The following MRE11 variants were observed in gnomAD, a reference collection of about 807,000 sequenced individuals.
MRE11 encodes MRE11 double strand break repair nuclease.
Under a neutral mutation model 91.7 loss-of-function variants are expected in MRE11, and 62 were observed. The observed-to-expected ratio is 0.68, with a 90% CI of 0.55 to 0.84. The LOEUF (loss-of-function observed/expected upper bound fraction) is 0.84, where lower values mean the gene tolerates loss of function less well. Among genes scored for constraint, MRE11 ranks in the 40% least tolerant of loss-of-function variants. The pLI is 0.00. For missense variants in MRE11, 796 were observed against 852.9 expected, an observed-to-expected ratio of 0.93 and a Z score of 0.83; for synonymous variants, 273 against 271.4, an observed-to-expected ratio of 1.01 and a Z score of -0.06.
At chr11:94,507,755 T>G in the MRE11 span, among the ~76,000 whole-genome samples, 38 of 152,320 alleles carry the variant, frequency 2.5e-4, no homozygotes, top group African/African-American at 8.9e-4. Context: ...AGCAATGTTT[T>G]TATGTGTGAT....
intron 9 of MRE11, among the ~76,000 whole-genome samples, chr11:94,468,522 A>G (rs1254950282): frequency 6.6e-6 from 1 of 152,212 alleles, no homozygotes; most frequent in African/African-American, 2.4e-5. Context: ...CCAACTTCAT[A>G]GCTGAACAAT....
intron 19 of MRE11, among the ~76,000 whole-genome samples, chr11:94,421,241 T>C (rs1013374317): frequency 1.4e-4 from 21 of 152,106 alleles, no homozygotes; most frequent in African/African-American, 5.1e-4. Context: ...GTTTATAAGT[T>C]TTTTATTTGT....
At chr11:94,496,240 G>A (rs1947416386), upstream of MRE11, among the ~76,000 whole-genome samples, 1 of 152,120 alleles carries the variant, frequency 6.6e-6, no homozygotes, top group African/African-American at 2.4e-5. Context: ...TATATTATCT[G>A]TGTGTCTAGT....
intron 4 of MRE11, among the ~76,000 whole-genome samples, chr11:94,485,274 T>C (rs966506419): frequency 6.6e-6 from 1 of 151,274 alleles, no homozygotes; most frequent in East Asian, 1.9e-4. Context: ...AAAAAACACA[T>C]GATGATATTT....
At chr11:94,475,414 C>T (rs899949388) in intron 7 of MRE11, 2 of 338,810 alleles carry the variant, frequency 5.9e-6, no homozygotes, top group Non-Finnish European at 1.2e-5. Flanking sequence ...GGACCGAACA[C>T]CCCCCGTGGA....
the MRE11 span, among the ~76,000 whole-genome samples, chr11:94,500,654 C>T: frequency 3.9e-5 from 6 of 152,130 alleles, no homozygotes; most frequent in Non-Finnish European, 8.8e-5. Flanking sequence ...TGTGACTGTT[C>T]AAGATTCATA....
In MRE11 at chr11:94,479,628, T is replaced by C. The variant is rs2135090043; in HGVS notation, c.402+46A>G. 3.3e-6 allele frequency: 5 copies of C among 1,529,954 alleles called. No homozygotes were observed. The highest frequency in any genetic ancestry group is 1.4e-5 in the African/African-American group (1 of 73,478). The allele number at this position is 1,529,954 out of a possible 1,614,324, so 94.8% of individuals were successfully genotyped here. On this transcript the variant is annotated intron_variant, in intron 5 of 19. Transcript: ENST00000323929. The stretch of plus-strand genomic sequence containing the variant: ...CATGCTTTCCACAGACAAACTAAAC[T>C]GATCATTTCCAAAATTCCAACAAAC...
At chr11:94,444,730 T>C (rs955509680) in intron 16 of MRE11, among the ~76,000 whole-genome samples, 1 of 152,340 alleles carries the variant, frequency 6.6e-6, no homozygotes, top group African/African-American at 2.4e-5. Context: ...ATGTGGTTTA[T>C]ATTACCCTTG....
chr11:94,486,169 C>T lies in MRE11; in HGVS notation c.154-85G>A, dbSNP rs947904416. On this transcript the variant is annotated intron_variant, in intron 3 of 19. Coordinates refer to ENST00000323929, the MANE Select transcript of MRE11 (RefSeq NM_005591.4). Reference sequence around the variant, plus strand: ...TACAGATGAAAGAGATAAAAAAAAACTCACAAAAGACACTATTATATATGG... The same window carrying T: ...TACAGATGAAAGAGATAAAAAAAAATTCACAAAAGACACTATTATATATGG... 11 of 1,325,010 alleles carry T rather than the reference C, an allele frequency of 8.3e-6. No homozygotes were observed. In the African/African-American group the frequency reaches 1.4e-4, roughly 16 times the overall value. 82.1% of individuals were successfully genotyped at this position (1,325,010 alleles called of 1,614,324 possible).
the MRE11 span, among the ~76,000 whole-genome samples, chr11:94,508,022 T>C: frequency 6.6e-6 from 1 of 152,176 alleles, no homozygotes; most frequent in East Asian, 1.9e-4. Flanking sequence ...CAGGCTGGAG[T>C]GCACTGGTGT....
At chr11:94,460,796 G>A in intron 12 of MRE11, 140 bp downstream of exon 12, 2 of 725,486 alleles carry the variant, frequency 2.8e-6, no homozygotes, top group South Asian at 1.6e-5. Flanking sequence ...GCAAATGAAT[G>A]TAATTAATTG....
At chr11:94,483,806 G>C (rs1947070680) in intron 4 of MRE11, 1 of 152,128 alleles carries the variant, frequency 6.6e-6, no homozygotes, top group African/African-American at 2.4e-5. Flanking sequence ...TCATGCCACT[G>C]CACTACAGCA....
the MRE11 span, among the ~76,000 whole-genome samples, chr11:94,506,828 G>A: frequency 6.6e-5 from 10 of 152,154 alleles, no homozygotes; most frequent in Middle Eastern, 3.4e-3. Flanking sequence ...GGCCTCAAGC[G>A]ATCCTCCTGC....
chr11:94,471,774 T>C lies in MRE11; in HGVS notation c.660-15A>G, dbSNP rs1295485284. 6.3e-7 allele frequency: 1 copy of C among 1,599,508 alleles called. No individual in the cohort carries two copies. Among genetic ancestry groups the C allele is most frequent in the South Asian group, 1.1e-5 (1 of 90,184 alleles). ...CATGTTTACTCCTGTATCAAGATTT[T>C]GAAAAATATAAATTCGGTGATTAGA... On this transcript the variant is annotated splice_polypyrimidine_tract_variant and intron_variant, in intron 7 of 19. Coordinates refer to ENST00000323929, the MANE Select transcript of MRE11 (RefSeq NM_005591.4).
Position 94,419,778 on chromosome 11 carries a change from A to G in MRE11, c.*347T>C, listed in dbSNP as rs1454791642. The stretch of plus-strand genomic sequence containing the variant: ...GAAAACCCAGAACCTCTAGGAAATT[A>G]CTAAAATTATGAAGAAGTTAAATTT... On this transcript the variant is annotated 3_prime_UTR_variant, in exon 20 of 20. Coordinates refer to ENST00000323929, the MANE Select transcript of MRE11 (RefSeq NM_005591.4). 2 of 250,790 alleles carry G rather than the reference A, an allele frequency of 8.0e-6. No homozygotes were observed. The highest frequency in any genetic ancestry group is 1.0e-4 in the Admixed American group (2 of 19,286). 15.5% of individuals were successfully genotyped at this position (250,790 alleles called of 1,614,324 possible).
chr11:94,503,525 T>C, the MRE11 span, among the ~76,000 whole-genome samples: 22 of 151,874 alleles, frequency 1.4e-4, no homozygotes, highest in Admixed American at 1.3e-4. Flanking sequence ...CTGTCTCTAC[T>C]AAAAATACAA....
chr11:94,452,780 G>A (rs1946144287), intron 14 of MRE11, among the ~76,000 whole-genome samples: 1 of 152,182 alleles, frequency 6.6e-6, no homozygotes, highest in Non-Finnish European at 1.5e-5. Flanking sequence ...TACATTTTGT[G>A]AGATTTGAAA....
In MRE11 at chr11:94,453,378, C is replaced by T. The variant is rs115092715; in HGVS notation, c.1563+2898G>A. ...TATTACATGATAATTCTATGTTTAA[C>T]TACTTTAGGAACTGCTATCGTTTTC... On this transcript the variant is annotated intron_variant, in intron 14 of 19. Coordinates refer to ENST00000323929, the MANE Select transcript of MRE11 (RefSeq NM_005591.4). Among the ~76,000 whole-genome samples, 877 of 152,288 alleles carry T rather than the reference C, an allele frequency of 5.8e-3. 5 individuals are homozygous for T. Among genetic ancestry groups the T allele is most frequent in the African/African-American group, 0.019 (795 of 41,568 alleles).
chr11:94,455,146 A>C (rs13447693), intron 14 of MRE11, among the ~76,000 whole-genome samples: 4,761 of 152,238 alleles, frequency 0.031, 268 homozygotes, highest in African/African-American at 0.11. Flanking sequence ...ATATTATAAT[A>C]ATCTAAAATT....
Sources: allele counts gnomAD v4.1 joint callset (sites outside exome capture counted in the v4.1 genomes callset), GRCh38; gene constraint gnomAD v4.1.1; transcripts MANE v1.5; gene names NCBI Gene and HGNC (gene_info 2026-07-23, HGNC 2026-07-21).